The following NRCAM variants were observed in gnomAD, a reference collection of about 807,000 sequenced individuals.
NRCAM encodes NgCAM-related cell adhesion molecule.
In NRCAM, 83 loss-of-function variants were observed where a neutral mutation model predicts 156.5. The ratio of observed to expected loss-of-function variants is 0.53; its 90% CI spans 0.44 to 0.64. The LOEUF is 0.64. NRCAM is among the 30% of genes least tolerant of loss of function. The pLI is 0.00. For synonymous variants in NRCAM, 538 were observed against 563.9 expected (o/e 0.95, Z 0.65); for missense variants, 1,417 against 1,597.3 (o/e 0.89, Z 1.92).
intron 17 of NRCAM, among the ~76,000 whole-genome samples, chr7:108,192,667 A>G (rs2072709244): frequency 6.6e-6 from 1 of 152,180 alleles, no homozygotes; most frequent in Admixed American, 6.5e-5. Context: ...GCCAAGAAAC[A>G]TTGGAAAACC....
In NRCAM at chr7:108,181,913, A is replaced by T. The variant is rs938055447; in HGVS notation, c.2555T>A (p.Val852Glu). The T allele has an allele frequency of 1.9e-6, 3 of 1,614,114 alleles. No individual in the cohort carries two copies. Among genetic ancestry groups the T allele is most frequent in the Non-Finnish European group, 1.7e-6 (2 of 1,179,982 alleles). The change falls in exon 24 of 33, where the codon GTG (valine) becomes GAG (glutamate). Residue 852 changes from valine to glutamate, a missense_variant. Around this residue, in one of 2 missense-constraint regions of NRCAM, gnomAD observed 1,238 missense variants for 1,336.4 expected, o/e 0.93. Transcript: ENST00000379028. ...EDLPMVAPGNVRVNVVNSTLA... is the reference protein window; with the variant it reads ...EDLPMVAPGNERVNVVNSTLA... ...GGTACTGTTCACCACATTCACACGC[A>T]CGTTCCCAGGAGCCACCATTGGGAC...
At chr7:108,292,113 T>C (rs1385221419) in intron 3 of NRCAM, among the ~76,000 whole-genome samples, 2 of 152,216 alleles carry the variant, frequency 1.3e-5, no homozygotes, top group Non-Finnish European at 2.9e-5. Context: ...AAATTCAAAC[T>C]TTTATATGAA....
intron 32 of NRCAM, among the ~76,000 whole-genome samples, chr7:108,155,241 G>A (rs2044608163): frequency 6.6e-6 from 1 of 151,592 alleles, no homozygotes; most frequent in Non-Finnish European, 1.5e-5. Context: ...ACATTTTAAT[G>A]AGAAAGTTTA....
At chr7:108,452,434 T>A (rs1410123972) in intron 1 of NRCAM, among the ~76,000 whole-genome samples, 1 of 152,206 alleles carries the variant, frequency 6.6e-6, no homozygotes, top group African/African-American at 2.4e-5. Context: ...CTTCAGCCTT[T>A]GATCCCAATA....
intron 1 of NRCAM, among the ~76,000 whole-genome samples, chr7:108,422,994 C>T (rs986011286): frequency 6.6e-6 from 1 of 152,010 alleles, no homozygotes; most frequent in Non-Finnish European, 1.5e-5. Flanking sequence ...GGAAAGCATC[C>T]TGCCTCCTGC....
chr7:108,442,727 C>T (rs1014597846), intron 1 of NRCAM, among the ~76,000 whole-genome samples: 5 of 152,116 alleles, frequency 3.3e-5, no homozygotes, highest in Non-Finnish European at 7.4e-5. Flanking sequence ...TTCAAACTGT[C>T]CTTAGAACAC....
At chr7:108,234,070 T>C (rs2153750103) in intron 6 of NRCAM, among the ~76,000 whole-genome samples, 1 of 152,314 alleles carries the variant, frequency 6.6e-6, no homozygotes, top group African/African-American at 2.4e-5. Context: ...TTAGACTATT[T>C]TATAAACTGT....
rs759185235 is a variant in NRCAM, at chr7:108,159,487, T to A, written c.3653A>T (p.Asp1218Val). 6.2e-7 allele frequency: 1 copy of A among 1,613,514 alleles called. No individual in the cohort carries two copies. Among genetic ancestry groups the A allele is most frequent in the Non-Finnish European group, 8.5e-7 (1 of 1,179,536 alleles). Reference sequence around the variant, plus strand: ...CCTGTATTCTCCAAATGTCCCATCATCTTCCTTCATAGGCTGGATTTCAGG... The same window carrying A: ...CCTGTATTCTCCAAATGTCCCATCAACTTCCTTCATAGGCTGGATTTCAGG... ...ADPEIQPMKE[D>V]DGTFGEYSDA... The change falls in exon 32 of 33, where the codon GAT (aspartate) becomes GTT (valine). Residue 1218 changes from aspartate (D) to valine (V), a missense_variant. Coordinates refer to ENST00000379028, the MANE Select transcript of NRCAM (RefSeq NM_001037132.4).
intron 1 of NRCAM, among the ~76,000 whole-genome samples, chr7:108,416,475 G>GCTGTTT (rs918757259): frequency 2.6e-5 from 4 of 152,168 alleles, no homozygotes; most frequent in Non-Finnish European, 4.4e-5. Context: ...AGATCAGAGA[G>GCTGTTT]CTGTTTCTAT....
At chr7:108,396,159 CAG>C (rs2099776330) in intron 2 of NRCAM, among the ~76,000 whole-genome samples, 1 of 151,962 alleles carries the variant, frequency 6.6e-6, no homozygotes, top group Non-Finnish European at 1.5e-5. Flanking sequence ...ATGAGTGAGA[CAG>C]AAAAAGATTC....
At chr7:108,275,343 AT>A (rs1177682955) in intron 3 of NRCAM, among the ~76,000 whole-genome samples, 1 of 152,204 alleles carries the variant, frequency 6.6e-6, no homozygotes, top group East Asian at 1.9e-4. Context: ...TTCTGGTAGA[AT>A]TCAGCTGGGA....
chr7:108,297,795 G>C (rs527771105), intron 3 of NRCAM, among the ~76,000 whole-genome samples: 16 of 152,216 alleles, frequency 1.1e-4, no homozygotes, highest in Non-Finnish European at 2.4e-4. Context: ...GTGTGCATGC[G>C]CACGTATGTG....
intron 2 of NRCAM, among the ~76,000 whole-genome samples, chr7:108,383,896 CATG>C (rs529214451): frequency 6.7e-4 from 102 of 152,254 alleles, no homozygotes; most frequent in African/African-American, 1.7e-3. Context: ...AAATGACCAT[CATG>C]ATAACATACC....
intron 2 of NRCAM, among the ~76,000 whole-genome samples, chr7:108,326,691 A>T (rs1243300302): frequency 6.6e-6 from 1 of 152,208 alleles, no homozygotes; most frequent in Non-Finnish European, 1.5e-5. Context: ...ATATTGTGTA[A>T]GTAAACATGA....
intron 3 of NRCAM, 36 bp from the exon 4 acceptor site, chr7:108,240,206 G>A: frequency 1.8e-6 from 1 of 560,374 alleles, no homozygotes. Flanking sequence ...TAATTATAAT[G>A]TATTAAAAAG....
chr7:108,455,170 T>A (rs1022909909), intron 1 of NRCAM, among the ~76,000 whole-genome samples: 1 of 151,978 alleles, frequency 6.6e-6, no homozygotes, highest in Admixed American at 6.5e-5. Flanking sequence ...TTGGGAGAAA[T>A]GACGACTCCC....
At chr7:108,442,106 G>T (rs1839177869) in intron 1 of NRCAM, among the ~76,000 whole-genome samples, 1 of 152,170 alleles carries the variant, frequency 6.6e-6, no homozygotes, top group Admixed American at 6.5e-5. Context: ...GGAGCAGGCT[G>T]CCCATACAGT....
intron 10 of NRCAM, among the ~76,000 whole-genome samples, chr7:108,224,649 C>G (rs2093114684): frequency 6.6e-6 from 1 of 151,992 alleles, no homozygotes; most frequent in African/African-American, 2.4e-5. Context: ...AATGCATTAT[C>G]TACTTGATGC....
At chr7:108,312,864 C>T (rs2098821650) in intron 2 of NRCAM, 133 bp from the exon 3 acceptor site, 3 of 152,134 alleles carry the variant, frequency 2.0e-5, no homozygotes, top group African/African-American at 7.2e-5. Context: ...GCAAGGAAGA[C>T]AAATCATGAC....
Sources: gnomAD v4.1 joint callset for allele counts (sites outside exome capture counted in the v4.1 genomes callset) on GRCh38, gnomAD v4.1.1 for gene constraint, gnomAD v4.1.1 regional missense constraint, MANE v1.5 for transcripts, NCBI Gene and HGNC (gene_info 2026-07-23, HGNC 2026-07-21) for gene names.